NT5C1B: variants seen among roughly 807,000 people sequenced by gnomAD.
The protein encoded by NT5C1B is cytosolic 5'-nucleotidase 1B.
Under a neutral mutation model 57.8 loss-of-function variants are expected in NT5C1B, and 44 were observed. That is an observed-to-expected ratio of 0.76 (90% confidence interval 0.60 to 0.98). The LOEUF is 0.98. Among genes scored for constraint, NT5C1B ranks in the 50% least tolerant of loss-of-function variants. The probability of loss-of-function intolerance (pLI) is 0.00; values close to 1 mark genes in which losing one functional copy is unlikely to be tolerated. For synonymous variants in NT5C1B, 284 were observed against 282.6 expected (o/e 1.00, Z -0.05); for missense variants, 742 against 719.5 (o/e 1.03, Z -0.36).
chr2:18,564,154 G>C (rs750784020), intron 8 of NT5C1B, 35 bp from the exon 9 acceptor site: 4 of 1,509,378 alleles, frequency 2.7e-6, no homozygotes, highest in East Asian at 2.3e-5. Context: ...CTGTGATACA[G>C]TGAGCCAAAG....
At chr2:18,573,953 T>C (rs1033257927) in intron 8 of NT5C1B, among the ~76,000 whole-genome samples, 2 of 152,048 alleles carry the variant, frequency 1.3e-5, no homozygotes, top group African/African-American at 4.8e-5. Flanking sequence ...AAAAAGGCAA[T>C]TTAAGGAGCA....
Position 18,584,438 on chromosome 2 carries a change from G to T in NT5C1B, c.723+76C>A. On this transcript the variant is annotated intron_variant, in intron 4 of 8. Transcript: ENST00000304081. The surrounding 1 kb of genome is among the most constrained non-coding windows in gnomAD (Gnocchi z 5.8). Reference sequence around the variant, plus strand: ...AGGAGAAGCGGGAGGACCTCCCTGCGCAGTGGAGAGGAGGGCGGCTGGAAG... The same window carrying T: ...AGGAGAAGCGGGAGGACCTCCCTGCTCAGTGGAGAGGAGGGCGGCTGGAAG... 19 of 1,551,918 alleles carry T rather than the reference G, an allele frequency of 1.2e-5. No homozygotes were observed. The highest frequency in any genetic ancestry group is 1.6e-5 in the Non-Finnish European group (18 of 1,149,826).
chr2:18,564,468 C>T (rs998220544), intron 8 of NT5C1B, among the ~76,000 whole-genome samples: 1 of 152,184 alleles, frequency 6.6e-6, no homozygotes, highest in African/African-American at 2.4e-5. Flanking sequence ...TCTAAATAAA[C>T]TCTAATTAGT....
At chr2:18,585,694 CAT>C (rs1666639224) in intron 3 of NT5C1B, among the ~76,000 whole-genome samples, 1 of 152,180 alleles carries the variant, frequency 6.6e-6, no homozygotes, top group African/African-American at 2.4e-5. Flanking sequence ...TTGTTTCACA[CAT>C]GACTCAAAAA....
At chr2:18,563,960 G>C in exon 9 of NT5C1B, 1 of 1,614,190 alleles carries the variant, frequency 6.2e-7, no homozygotes, top group Non-Finnish European at 8.5e-7. Flanking sequence ...TCTATCTCTA[G>C]ACCCCAGCGT....
chr2:18,589,565 A>G, exon 1 of NT5C1B: 1 of 1,561,064 alleles, frequency 6.4e-7, no homozygotes. Flanking sequence ...CTTTGCATTT[A>G]GAATGTCAAA....
chr2:18,586,908 A>G (rs1666762500), intron 2 of NT5C1B: 1 of 1,600,304 alleles, frequency 6.2e-7, no homozygotes, highest in East Asian at 2.2e-5. Context: ...ACAGCAAAGT[A>G]AAAGAGTTTC....
chr2:18,569,392 G>A (rs543949349), intron 8 of NT5C1B, among the ~76,000 whole-genome samples: 2 of 152,158 alleles, frequency 1.3e-5, no homozygotes, highest in South Asian at 2.1e-4. Flanking sequence ...TCCAACCAAA[G>A]CAATGATCAC....
intron 2 of NT5C1B, chr2:18,587,252 C>T (rs574619783): frequency 1.3e-6 from 2 of 1,519,174 alleles, no homozygotes; most frequent in East Asian, 2.4e-5. Flanking sequence ...ACCAGTCTCC[C>T]CCCTGTGTAG....
At chr2:18,566,597 C>T (rs902348466) in intron 8 of NT5C1B, among the ~76,000 whole-genome samples, 1 of 152,072 alleles carries the variant, frequency 6.6e-6, no homozygotes, top group Non-Finnish European at 1.5e-5. Flanking sequence ...GGATGATTTC[C>T]AAATGGAAGA....
At chr2:18,563,899 A>C (rs777928885) in exon 9 of NT5C1B, 5 of 1,614,016 alleles carry the variant, frequency 3.1e-6, no homozygotes, top group African/African-American at 1.3e-5. Context: ...GTGGGGCCGG[A>C]TCTTCACCAA....
chr2:18,568,822 C>G (rs1265555473), intron 8 of NT5C1B, among the ~76,000 whole-genome samples: 1 of 152,166 alleles, frequency 6.6e-6, no homozygotes, highest in Admixed American at 6.5e-5. Context: ...TTCAAGCTGT[C>G]CTGCCTTTCC....
At chr2:18,574,739 C>A (rs376571482) in intron 8 of NT5C1B, among the ~76,000 whole-genome samples, 24 of 152,122 alleles carry the variant, frequency 1.6e-4, no homozygotes, top group African/African-American at 5.5e-4. Flanking sequence ...ATCTGCTGTA[C>A]AATGTAGCGC....
rs150116798 is a variant in NT5C1B at position 18,587,052 on chromosome 2, C to T, written c.120+451G>A. ...CAACAGGCACATGTGAATATAAATACGTATTGTGTGGCAGGGGCCAAGGGC... is the reference window on the plus strand; with the variant it reads ...CAACAGGCACATGTGAATATAAATATGTATTGTGTGGCAGGGGCCAAGGGC... On this transcript the variant is annotated intron_variant, in intron 2 of 8. Coordinates refer to ENST00000304081, the Ensembl canonical transcript of NT5C1B. 5.3e-3 allele frequency: 8,576 copies of T among 1,614,164 alleles called. 35 individuals are homozygous for T. The highest frequency in any genetic ancestry group is 6.7e-3 in the Non-Finnish European group (7,925 of 1,180,026).
chr2:18,579,593 A>G, intron 6 of NT5C1B, among the ~76,000 whole-genome samples: 1 of 152,318 alleles, frequency 6.6e-6, no homozygotes, highest in African/African-American at 2.4e-5. Context: ...CTATATGCCA[A>G]AGATTGAAAT....
At chr2:18,580,077 C>T (rs1182511185) in intron 6 of NT5C1B, among the ~76,000 whole-genome samples, 3 of 152,088 alleles carry the variant, frequency 2.0e-5, no homozygotes, top group South Asian at 2.1e-4. Context: ...ATCAAAACCA[C>T]AATGAGATTA....
At chr2:18,567,374 A>G (rs1025248746) in intron 8 of NT5C1B, among the ~76,000 whole-genome samples, 1 of 152,212 alleles carries the variant, frequency 6.6e-6, no homozygotes, top group Non-Finnish European at 1.5e-5. Context: ...ATAAGAGACT[A>G]TCAAGGATTG....
At chr2:18,569,077 A>G (rs1664915335) in intron 8 of NT5C1B, among the ~76,000 whole-genome samples, 2 of 152,198 alleles carry the variant, frequency 1.3e-5, no homozygotes, top group Admixed American at 6.5e-5. Context: ...AAAATAATAT[A>G]TGACAACTGT....
At chr2:18,567,366 AAG>A (rs774356507) in intron 8 of NT5C1B, among the ~76,000 whole-genome samples, 3 of 152,126 alleles carry the variant, frequency 2.0e-5, no homozygotes, top group Non-Finnish European at 4.4e-5. Context: ...TTGGGAGAAT[AAG>A]AGACTATCAA....
Sources: allele counts gnomAD v4.1 joint callset (sites outside exome capture counted in the v4.1 genomes callset), GRCh38; gene constraint gnomAD v4.1.1; non-coding constraint Gnocchi (gnomAD v3.1); transcripts MANE v1.5; gene names NCBI Gene and HGNC (gene_info 2026-07-23, HGNC 2026-07-21).